INTS7: variants seen among roughly 807,000 people sequenced by gnomAD.
The protein encoded by INTS7 is integrator complex subunit 7.
INTS7 carries 46 observed loss-of-function variants against 109.2 expected under a neutral mutation model. The ratio of observed to expected loss-of-function variants is 0.42; its 90% confidence interval spans 0.33 to 0.54. The LOEUF (loss-of-function observed/expected upper bound fraction) is 0.54. INTS7 is among the 20% of genes least tolerant of loss of function. The pLI, the probability that INTS7 is intolerant of heterozygous loss-of-function variation, is 0.07. For missense variants in INTS7, 929 were observed against 1,132.4 expected (o/e 0.82, Z 2.58); for synonymous variants, 412 against 402.9 (o/e 1.02, Z -0.27).
intron 7 of INTS7, among the ~76,000 whole-genome samples, chr1:211,998,157 G>T (rs186792561): frequency 6.6e-6 from 1 of 152,076 alleles, no homozygotes; most frequent in Admixed American, 6.6e-5. Context: ...TAGAGACAGG[G>T]TCTTACTATG....
intron 5 of INTS7, among the ~76,000 whole-genome samples, chr1:212,009,965 T>A (rs17018342): frequency 0.026 from 3,968 of 152,288 alleles, 56 homozygotes; most frequent in African/African-American, 0.046. Flanking sequence ...TAATTTTAAT[T>A]TGAAGGACAA....
rs749604597 is a variant in INTS7, at chr1:211,975,309, A to T, written c.1672T>A (p.Phe558Ile). 28 of 1,614,016 alleles carry T rather than the reference A, an allele frequency of 1.7e-5. No homozygotes were observed. The Admixed American group carries it at 3.2e-4, about 18-fold the overall frequency. The part of the protein sequence containing the change: ...SLLTQVASEH[F>I]YFWLNSLKEF... ...TTCAAACTATTTAGCCAGAAGTAGA[A>T]ATGTTCTGAGGCAACCTGAGTCAGC... Residue 558 changes from phenylalanine (F) to isoleucine (I), a missense_variant, in exon 13 of 20, where the codon TTC becomes ATC. This residue lies in a region of INTS7 where 787 missense variants were observed against 901.1 expected (regional missense o/e 0.87). Coordinates refer to ENST00000366994, the MANE Select transcript of INTS7 (RefSeq NM_015434.4).
chr1:212,013,384 C>T lies in INTS7; in HGVS notation c.510-1963G>A, dbSNP rs571092501. On this transcript the variant is annotated intron_variant, in intron 4 of 19. Transcript: ENST00000366994. ...ATATAAAGAAAGTATGTTTATACAG[C>T]TGTATGTTTGTATTTTAAGCTAAGT... Among the ~76,000 whole-genome samples the T allele has an allele frequency of 2.0e-5, 3 of 152,152 alleles. No homozygotes were observed. The South Asian group carries it at 6.2e-4, about 32-fold the overall frequency.
At chr1:212,034,690 A>G (rs1667341783) in intron 1 of INTS7, among the ~76,000 whole-genome samples, 1 of 152,180 alleles carries the variant, frequency 6.6e-6, no homozygotes, top group Non-Finnish European at 1.5e-5. Context: ...TGCCGGCTCA[A>G]TGGTACTGTA....
chr1:211,982,912 CAA>C, intron 8 of INTS7, 102 bp from the exon 9 acceptor site: 1 of 802,626 alleles, frequency 1.2e-6, no homozygotes, highest in Non-Finnish European at 1.9e-6. Context: ...AAGTCTCTAA[CAA>C]TAAACTTCAA....
Position 212,006,980 on chromosome 1 carries a change from G to T in INTS7, c.757-219C>A, listed in dbSNP as rs143521883. Among the ~76,000 whole-genome samples the T allele has an allele frequency of 1.1e-3, 168 of 151,720 alleles. 3 individuals are homozygous for T. The East Asian group carries it at 0.029, about 26-fold the overall frequency. On this transcript the variant is annotated intron_variant, in intron 6 of 19. Coordinates refer to ENST00000366994, the MANE Select transcript of INTS7 (RefSeq NM_015434.4). ...TTAGCACAGGCCCTGGCATTTTACA[G>T]ATACTCAATCCTTTCTTTTTTTTTT...
chr1:212,018,120 T>G (rs1459129276), intron 3 of INTS7, among the ~76,000 whole-genome samples: 1 of 152,192 alleles, frequency 6.6e-6, no homozygotes, highest in African/African-American at 2.4e-5. Context: ...AGGCCTTGTG[T>G]GCCTGAGAAT....
In INTS7 at chr1:212,004,905, G is replaced by A. The variant is rs573923603; in HGVS notation, c.879+1734C>T. On this transcript the variant is annotated intron_variant, in intron 7 of 19. Coordinates refer to ENST00000366994, the MANE Select transcript of INTS7 (RefSeq NM_015434.4). ...GTCTGATAATTCTATGTGTTGGTAC[G>A]GATGTGATTAATGGACGCCCTCATA... 2.0e-5 allele frequency among the ~76,000 whole-genome samples: 3 copies of A among 152,242 alleles called. No homozygotes were observed. In the South Asian group the frequency reaches 6.2e-4, roughly 32 times the overall value.
chr1:212,008,183 C>T lies in INTS7; in HGVS notation c.557-734G>A, dbSNP rs56294882. ...CATTTCAACGTCCAACAGTTGCCTA[C>T]GTCAATAAACTCCCTTGCTAGATGG... On this transcript the variant is annotated intron_variant, in intron 5 of 19. Coordinates refer to ENST00000366994, the MANE Select transcript of INTS7 (RefSeq NM_015434.4). Among the ~76,000 whole-genome samples, 731 of 152,278 alleles carry T rather than the reference C, an allele frequency of 4.8e-3. 7 individuals are homozygous for T. Among genetic ancestry groups the T allele is most frequent in the African/African-American group, 0.017 (692 of 41,552 alleles).
rs1422854535 is a variant in INTS7 at position 211,968,610 on chromosome 1, C to G, written c.1913G>C (p.Cys638Ser). The part of the protein sequence containing the change: ...LQAFSQLICT[C>S]NSLKTSPPPA... ...TGGTGGGCTTGTCTTCAGGCTATTA[C>G]AAGTACAGATAAGTTGAGAGAAGGC... The change falls in exon 14 of 20, where the codon TGT becomes TCT. Residue 638 changes from cysteine to serine, a missense_variant. Coordinates refer to ENST00000366994, the MANE Select transcript of INTS7 (RefSeq NM_015434.4). The G allele has an allele frequency of 1.2e-6, 2 of 1,613,226 alleles. No individual in the cohort carries two copies. Among genetic ancestry groups the G allele is most frequent in the East Asian group, 2.2e-5 (1 of 44,838 alleles).
At chr1:212,020,874 C>A in intron 2 of INTS7, 1 of 593,406 alleles carries the variant, frequency 1.7e-6, no homozygotes, top group African/African-American at 1.9e-5. Flanking sequence ...TTCTGTTCTC[C>A]AAAGAAATAA....
Position 211,982,662 on chromosome 1 carries a change from C to A in INTS7, c.1132+14G>T. The A allele has an allele frequency of 6.3e-7, 1 of 1,590,958 alleles. No homozygotes were observed. Among genetic ancestry groups the A allele is most frequent in the South Asian group, 1.2e-5 (1 of 86,668 alleles). ...CCAAAGTTTATACGTAATATCAGTC[C>A]TGATCAAACTTACCCTTTTCTTGAC... On this transcript the variant is annotated intron_variant, in intron 9 of 19. Transcript: ENST00000366994.
At position 211,966,502 on chromosome 1, in the gene INTS7, G is replaced by C; in HGVS notation, c.2115-4C>G. 1 of 1,596,876 alleles carries C rather than the reference G, an allele frequency of 6.3e-7. No homozygotes were observed. The highest frequency in any genetic ancestry group is 8.6e-7 in the Non-Finnish European group (1 of 1,167,442). ...CAGTAAACAGCTCTGCTGCTGTCTG[G>C]ATTGATGTTAAGGTTACATACGAAA... On this transcript the variant is annotated splice_region_variant and splice_polypyrimidine_tract_variant and intron_variant, in intron 15 of 19. Transcript: ENST00000366994.
At chr1:212,022,805 T>C (rs558529198) in intron 1 of INTS7, among the ~76,000 whole-genome samples, 2 of 152,304 alleles carry the variant, frequency 1.3e-5, no homozygotes, top group African/African-American at 2.4e-5. Context: ...ATGGGTATAC[T>C]GTGAGATGCT....
rs1351587679 is a variant in INTS7, at chr1:211,976,781, C to T, written c.1471-62G>A. 16 of 1,540,326 alleles carry T rather than the reference C, an allele frequency of 1.0e-5. No individual in the cohort carries two copies. In the Admixed American group the frequency reaches 2.7e-4, roughly 26 times the overall value. ...TAATTTTATTCAGTGTCATTGATAA[C>T]CTACCCCAAAGGGAGGAAAACTAAT... On this transcript the variant is annotated intron_variant, in intron 11 of 19. Coordinates refer to ENST00000366994, the MANE Select transcript of INTS7 (RefSeq NM_015434.4).
chr1:212,010,836 TACACTC>T (rs1666136641), intron 5 of INTS7, among the ~76,000 whole-genome samples: 1 of 152,166 alleles, frequency 6.6e-6, no homozygotes, highest in South Asian at 2.1e-4. Flanking sequence ...TTTATTTAAG[TACACTC>T]TATGAAGTTC....
intron 1 of INTS7, among the ~76,000 whole-genome samples, chr1:212,025,230 G>A (rs1456888883): frequency 1.3e-5 from 2 of 152,130 alleles, no homozygotes; most frequent in Admixed American, 1.3e-4. Flanking sequence ...AGACCTGAAG[G>A]ACTACACTTA....
chr1:211,967,740 T>G, intron 15 of INTS7, 138 bp downstream of exon 15: 1 of 567,362 alleles, frequency 1.8e-6, no homozygotes. Context: ...TCTGCTTATA[T>G]ATTTTAAAGG....
intron 13 of INTS7, among the ~76,000 whole-genome samples, chr1:211,970,580 A>T (rs1447936993): frequency 6.6e-6 from 1 of 152,254 alleles, no homozygotes; most frequent in Non-Finnish European, 1.5e-5. Context: ...TATCCAGAAC[A>T]TATAAAGTAC....
Sources: allele counts gnomAD v4.1 joint callset (sites outside exome capture counted in the v4.1 genomes callset), GRCh38; gene constraint gnomAD v4.1.1; regional missense constraint gnomAD v4.1.1; transcripts MANE v1.5; gene names NCBI Gene and HGNC (gene_info 2026-07-23, HGNC 2026-07-21).